The following RGN variants were observed in gnomAD, a reference collection of about 807,000 sequenced individuals.
RGN encodes epididymis secretory protein Li 41.
RGN carries 19 observed loss-of-function variants against 20.6 expected under a neutral mutation model. The observed-to-expected ratio is 0.92, with a 90% CI of 0.64 to 1.35. The LOEUF (loss-of-function observed/expected upper bound fraction) is 1.35. RGN is among the 40% of genes most tolerant of loss of function. The probability of loss-of-function intolerance (pLI) is 0.00; values close to 1 mark genes in which losing one functional copy is unlikely to be tolerated. For synonymous variants in RGN, 85 were observed against 87.2 expected, an observed-to-expected ratio of 0.97 and a Z score of 0.14; for missense variants, 302 against 232.7, an observed-to-expected ratio of 1.30 and a Z score of -1.94.
At chrX:47,081,798 C>G (rs782713643) in intron 3 of RGN, among the ~76,000 whole-genome samples, 2 of 111,846 alleles carry the variant, frequency 1.8e-5, no homozygotes, top group African/African-American at 3.3e-5. Context: ...CCACCCACTT[C>G]GACCTCCCAA....
At chrX:47,092,007 C>G in intron 6 of RGN, 54 bp from the exon 7 acceptor site, 1 of 1,098,875 alleles carries the variant, frequency 9.1e-7, no homozygotes. Context: ...AGAAACAATA[C>G]ACAGGTTGGA....
At chrX:47,086,266 G>A (rs1930584216) in intron 4 of RGN, among the ~76,000 whole-genome samples, 1 of 111,170 alleles carries the variant, frequency 9.0e-6, no homozygotes, top group Admixed American at 9.7e-5. Context: ...ATAATGTTCT[G>A]TTCTCAGGGT....
chrX:47,090,911 A>AGAAG (rs1491217504), intron 5 of RGN, among the ~76,000 whole-genome samples: 1 of 27,846 alleles, frequency 3.6e-5, no homozygotes, highest in African/African-American at 1.3e-4. Context: ...GAAAGAAAGA[A>AGAAG]GAAGGAAAGA....
Position 47,080,326 on chromosome X carries a change from C to A in RGN, c.-626C>A, listed in dbSNP as rs781997735. 5.3e-5 allele frequency: 6 copies of A among 112,194 alleles called. No individual in the cohort carries two copies. In the South Asian group the frequency reaches 2.2e-3, roughly 41 times the overall value. 9.2% of individuals were successfully genotyped at this position (112,194 alleles called of 1,213,427 possible). ...TTTTTCTCCTTTTCAGATAATTTTTCTCTGTCTTCTCCCAGTTCGCTGGTC... is the reference window on the plus strand; with the variant it reads ...TTTTTCTCCTTTTCAGATAATTTTTATCTGTCTTCTCCCAGTTCGCTGGTC... On this transcript the variant is annotated 5_prime_UTR_variant, in exon 2 of 8. Transcript: ENST00000397180.
At chrX:47,084,327 C>T (rs1410077516) in intron 3 of RGN, 91 bp from the exon 4 acceptor site, 6 of 803,454 alleles carry the variant, frequency 7.5e-6, no homozygotes, top group Non-Finnish European at 1.0e-5. Flanking sequence ...AGCTGGGCTC[C>T]CGCTCTAAGA....
intron 4 of RGN, 41 bp downstream of exon 4, chrX:47,084,641 A>C: frequency 1.8e-6 from 2 of 1,090,071 alleles, no homozygotes; most frequent in Non-Finnish European, 1.2e-6. Flanking sequence ...TGAGCCTTGG[A>C]GGAAATACTT....
chrX:47,090,569 T>C (rs1330160106), intron 5 of RGN, among the ~76,000 whole-genome samples: 2 of 109,460 alleles, frequency 1.8e-5, no homozygotes, highest in Admixed American at 2.0e-4. Context: ...AGGGAAGGAA[T>C]TATTTAGAAT....
rs1460882210 is a variant in RGN, at chrX:47,088,924, A to G, written c.347-852A>G. 8.2e-5 allele frequency among the ~76,000 whole-genome samples: 5 copies of G among 61,295 alleles called. No homozygotes were observed. The East Asian group carries it at 3.2e-3, about 39-fold the overall frequency. 53.2% of individuals were successfully genotyped at this position (61,295 alleles called of 115,157 possible). A position where few individuals can be genotyped will look rare whatever the true frequency, so the allele number is the denominator to read the frequency against. Reference sequence around the variant, plus strand: ...ACTCCAGCCTGGGCAACAGAGCAACACTCTGCCAAAAAAAAAAAAAAAAGA... The same window carrying G: ...ACTCCAGCCTGGGCAACAGAGCAACGCTCTGCCAAAAAAAAAAAAAAAAGA... On this transcript the variant is annotated intron_variant, in intron 4 of 7. Transcript: ENST00000397180.
chrX:47,089,258 T>G, intron 4 of RGN, among the ~76,000 whole-genome samples: 1 of 80,719 alleles, frequency 1.2e-5, no homozygotes, highest in East Asian at 4.1e-4. Context: ...AAAATGAGGT[T>G]CGTGCATGTT....
chrX:47,083,648 C>T (rs930591308), intron 3 of RGN, among the ~76,000 whole-genome samples: 17 of 111,923 alleles, frequency 1.5e-4, no homozygotes, highest in Non-Finnish European at 2.8e-4. Flanking sequence ...TGGTGGCTCA[C>T]GCCTAATATC....
At chrX:47,082,611 C>T (rs781996009) in intron 3 of RGN, among the ~76,000 whole-genome samples, 11 of 111,435 alleles carry the variant, frequency 9.9e-5, no homozygotes, top group Non-Finnish European at 1.7e-4. Context: ...CCACGCCCAG[C>T]CTTAAACTTC....
At chrX:47,085,301 C>T (rs956968600) in intron 4 of RGN, among the ~76,000 whole-genome samples, 13 of 111,450 alleles carry the variant, frequency 1.2e-4, no homozygotes, top group African/African-American at 3.9e-4. Flanking sequence ...GGGCAGATCA[C>T]GAGGTCAGGA....
intron 7 of RGN, 84 bp from the exon 8 acceptor site, chrX:47,092,813 T>C (rs782102913): frequency 1.3e-6 from 1 of 782,314 alleles, no homozygotes; most frequent in East Asian, 3.3e-5. Context: ...TGGCTAAGTA[T>C]ATTACTACAA....
intron 5 of RGN, among the ~76,000 whole-genome samples, chrX:47,091,134 G>A (rs782250519): frequency 2.7e-5 from 3 of 110,611 alleles, no homozygotes; most frequent in Admixed American, 9.7e-5. Flanking sequence ...TGTATACCAC[G>A]GTTACCCCCC....
chrX:47,086,366 T>A lies in RGN; in HGVS notation c.346+1766T>A, dbSNP rs181945645. Reference sequence around the variant, plus strand: ...GGCCCTGTCAGATTTCTCTACTGAATAACTATTTTTAATGCAATTTATAAG... The same window carrying A: ...GGCCCTGTCAGATTTCTCTACTGAAAAACTATTTTTAATGCAATTTATAAG... On this transcript the variant is annotated intron_variant, in intron 4 of 7. Transcript: ENST00000397180. Among the ~76,000 whole-genome samples the A allele has an allele frequency of 4.6e-4, 51 of 112,041 alleles. No individual in the cohort carries two copies. In the East Asian group the frequency reaches 0.013, roughly 28 times the overall value.
intron 4 of RGN, among the ~76,000 whole-genome samples, chrX:47,085,945 G>C (rs1053688838): frequency 3.6e-5 from 4 of 112,275 alleles, no homozygotes; most frequent in Non-Finnish European, 7.5e-5. Context: ...CATTTTATCT[G>C]ATATACTATC....
At chrX:47,088,080 T>G (rs782423268) in intron 4 of RGN, among the ~76,000 whole-genome samples, 1 of 104,747 alleles carries the variant, frequency 9.5e-6, no homozygotes, top group East Asian at 3.0e-4. Context: ...GCTATGCATC[T>G]GCCAGAAGCA....
intron 6 of RGN, 117 bp downstream of exon 6, chrX:47,091,926 T>A (rs782584371): frequency 2.0e-6 from 2 of 999,571 alleles, no homozygotes; most frequent in East Asian, 6.2e-5. Context: ...AAATAAATTG[T>A]CAGGGAAAGT....
At chrX:47,083,521 CCTAT>C (rs1216632279) in intron 3 of RGN, among the ~76,000 whole-genome samples, 7 of 111,898 alleles carry the variant, frequency 6.3e-5, no homozygotes, top group Non-Finnish European at 7.5e-5. Context: ...CATCTACATT[CCTAT>C]CTGTTTATTA....
Sources: allele counts gnomAD v4.1 joint callset (sites outside exome capture counted in the v4.1 genomes callset), GRCh38; gene constraint gnomAD v4.1.1; transcripts MANE v1.5; gene names NCBI Gene and HGNC (gene_info 2026-07-23, HGNC 2026-07-21).